Variants in SMOC2 observed in about 807,000 individuals in gnomAD.
SMOC2 encodes SPARC-related modular calcium-binding protein 2.
SMOC2 carries 39 observed loss-of-function variants against 61.4 expected under a neutral mutation model. The ratio of observed to expected loss-of-function variants is 0.64; its 90% CI spans 0.49 to 0.83. SMOC2 has a LOEUF of 0.83. SMOC2 is among the 40% of genes least tolerant of loss of function. The probability of loss-of-function intolerance (pLI) is 0.00; values close to 1 mark genes in which losing one functional copy is unlikely to be tolerated. For missense variants in SMOC2, 556 were observed against 592.9 expected, an observed-to-expected ratio of 0.94 and a Z score of 0.65; for synonymous variants, 247 against 239.9, an observed-to-expected ratio of 1.03 and a Z score of -0.27.
intron 7 of SMOC2, among the ~76,000 whole-genome samples, chr6:168,581,287 G>A (rs902351623): frequency 2.6e-5 from 4 of 152,010 alleles, no homozygotes; most frequent in African/African-American, 7.3e-5. Context: ...GACAACATGC[G>A]TAAAAATTAA....
intron 7 of SMOC2, among the ~76,000 whole-genome samples, chr6:168,591,474 G>A (rs1364037432): frequency 6.6e-6 from 1 of 152,136 alleles, no homozygotes; most frequent in Non-Finnish European, 1.5e-5. Flanking sequence ...CACTGACTCT[G>A]GCAAGAGCAG....
chr6:168,577,177 G>A (rs1784822919), intron 7 of SMOC2, among the ~76,000 whole-genome samples: 1 of 152,022 alleles, frequency 6.6e-6, no homozygotes, highest in Non-Finnish European at 1.5e-5. Context: ...ATCTAAACAT[G>A]CTTTCCTCTC....
At chr6:168,612,160 G>A (rs1785889331) in intron 9 of SMOC2, among the ~76,000 whole-genome samples, 1 of 152,186 alleles carries the variant, frequency 6.6e-6, no homozygotes, top group Non-Finnish European at 1.5e-5. Context: ...TCCAGTGTGG[G>A]GAGAGGGTGA....
chr6:168,619,389 A>G (rs2342636), intron 9 of SMOC2, among the ~76,000 whole-genome samples: 136,030 of 152,250 alleles, frequency 0.89, 60,895 homozygotes, highest in Middle Eastern at 0.98. Context: ...TTCAGAGACA[A>G]TTTAAATAAC....
At chr6:168,552,967 T>C (rs1583103711) in intron 7 of SMOC2, among the ~76,000 whole-genome samples, 1 of 152,160 alleles carries the variant, frequency 6.6e-6, no homozygotes, top group Middle Eastern at 3.4e-3. Context: ...ACAATAAATA[T>C]GCATTAAATG....
rs142625488 is a variant in SMOC2 at position 168,607,657 on chromosome 6, G to C, written c.825-500G>C. ...TGGATTGGAAATGAGTTGGCCTTTG[G>C]TGCTACAGGAATCTAAATCCTGAAG... On this transcript the variant is annotated intron_variant, in intron 8 of 12. Transcript: ENST00000356284. Among the ~76,000 whole-genome samples the C allele has an allele frequency of 2.4e-3, 358 of 149,522 alleles. 1 individual carries two copies. Among genetic ancestry groups the C allele is most frequent in the African/African-American group, 7.9e-3 (323 of 40,936 alleles).
rs535290378 is a variant in SMOC2, at chr6:168,656,567, A to C, written c.1285+3339A>C. On this transcript the variant is annotated intron_variant, in intron 11 of 12. Coordinates refer to ENST00000356284, the MANE Select transcript of SMOC2 (RefSeq NM_001166412.2). ...AAAAAGAGAAAAGGAAAAAAAAAAA[A>C]CCCTCCCATGTTTGAAGCTCAGCTG... is the stretch of plus-strand genomic sequence containing the variant. Among the ~76,000 whole-genome samples, 590 of 133,898 alleles carry C rather than the reference A, an allele frequency of 4.4e-3. 3 individuals carry two copies. Among genetic ancestry groups the C allele is most frequent in the Middle Eastern group, 0.012 (3 of 256 alleles). The allele number at this position is 133,898 out of a possible 152,430, so 87.8% of individuals were successfully genotyped here.
chr6:168,569,266 T>C (rs1224837133), intron 7 of SMOC2, among the ~76,000 whole-genome samples: 1 of 152,210 alleles, frequency 6.6e-6, no homozygotes, highest in East Asian at 1.9e-4. Context: ...TTAATTGCAA[T>C]CACCTAATGA....
intron 9 of SMOC2, among the ~76,000 whole-genome samples, chr6:168,633,047 A>C (rs1033026910): frequency 1.6e-4 from 25 of 152,230 alleles, no homozygotes; most frequent in Admixed American, 6.5e-4. Flanking sequence ...CTCTCTGTCA[A>C]GTGTTGATGA....
At chr6:168,527,855 A>G (rs1183616315) in intron 4 of SMOC2, 128 bp downstream of exon 4, 2 of 685,878 alleles carry the variant, frequency 2.9e-6, no homozygotes, top group Admixed American at 4.3e-5. Flanking sequence ...TGTGAGCCAC[A>G]GTGGGAATAG....
At position 168,476,841 on chromosome 6, in the gene SMOC2, G is replaced by T. The variant is rs6911538; in HGVS notation, c.85-33074G>T. 2.0e-5 allele frequency among the ~76,000 whole-genome samples: 3 copies of T among 151,446 alleles called. 1 individual carries two copies. The highest frequency in any genetic ancestry group is 4.4e-5 in the Non-Finnish European group (3 of 67,660). Reference sequence around the variant, plus strand: ...GGGTCAAGAGTTATCAACACTTCAAGGGATTTTAATACATATTATAGAATT... The same window carrying T: ...GGGTCAAGAGTTATCAACACTTCAATGGATTTTAATACATATTATAGAATT... On this transcript the variant is annotated intron_variant, in intron 1 of 12. Transcript: ENST00000356284.
At chr6:168,545,279 A>T (rs1224550257) in intron 5 of SMOC2, among the ~76,000 whole-genome samples, 1 of 151,832 alleles carries the variant, frequency 6.6e-6, no homozygotes, top group Admixed American at 6.6e-5. Context: ...AATCTAGAGG[A>T]ATTAGTACAT....
At chr6:168,538,440 G>T (rs1348134823) in intron 4 of SMOC2, among the ~76,000 whole-genome samples, 5 of 119,590 alleles carry the variant, frequency 4.2e-5, no homozygotes, top group African/African-American at 1.0e-4. Context: ...TGGAATGTGG[G>T]GGAGTGGGGT....
chr6:168,610,498 C>A (rs1052583045), intron 9 of SMOC2, among the ~76,000 whole-genome samples: 2 of 152,158 alleles, frequency 1.3e-5, no homozygotes, highest in East Asian at 3.9e-4. Context: ...AACACAGCAG[C>A]CTTTGAGTAG....
intron 1 of SMOC2, among the ~76,000 whole-genome samples, chr6:168,454,076 C>T (rs775076564): frequency 6.6e-6 from 1 of 152,106 alleles, no homozygotes; most frequent in Admixed American, 6.5e-5. Flanking sequence ...CTCTCTTACT[C>T]TATTCATCTA....
At chr6:168,515,733 A>G (rs1783117038) in intron 2 of SMOC2, among the ~76,000 whole-genome samples, 1 of 128,174 alleles carries the variant, frequency 7.8e-6, no homozygotes, top group Non-Finnish European at 1.7e-5. Context: ...AACGCAGCAT[A>G]GGGGCTCCTG....
At chr6:168,659,924 T>C in intron 11 of SMOC2, among the ~76,000 whole-genome samples, 1 of 150,344 alleles carries the variant, frequency 6.7e-6, no homozygotes, top group African/African-American at 2.4e-5. Context: ...GGTTGGAGGT[T>C]GTAGGCTGGG....
At chr6:168,455,159 G>A (rs534190750) in intron 1 of SMOC2, among the ~76,000 whole-genome samples, 14 of 152,318 alleles carry the variant, frequency 9.2e-5, no homozygotes, top group African/African-American at 2.6e-4. Context: ...AACCAGGCCA[G>A]CTTGAGGTGC....
chr6:168,522,037 T>G (rs902425344), intron 2 of SMOC2, among the ~76,000 whole-genome samples: 1 of 152,212 alleles, frequency 6.6e-6, no homozygotes, highest in Non-Finnish European at 1.5e-5. Flanking sequence ...ACTAAATTCT[T>G]CAATTAGAAG....
Sources: gnomAD v4.1 joint callset for allele counts (sites outside exome capture counted in the v4.1 genomes callset) on GRCh38, gnomAD v4.1.1 for gene constraint, MANE v1.5 for transcripts, NCBI Gene and HGNC (gene_info 2026-07-23, HGNC 2026-07-21) for gene names.